LSAMP: variants seen among roughly 807,000 people sequenced by gnomAD.
LSAMP encodes limbic system-associated membrane protein.
LSAMP carries 7 observed loss-of-function variants against 38.6 expected under a neutral mutation model. The observed-to-expected ratio is 0.18, with a 90% CI of 0.10 to 0.34. LSAMP has a LOEUF of 0.34. Ranked by LOEUF, LSAMP falls within the 10% of genes least tolerant of loss-of-function variation. The probability of loss-of-function intolerance (pLI) is 1.00; values close to 1 mark genes in which losing one functional copy is unlikely to be tolerated. For missense variants in LSAMP, 313 were observed against 420.0 expected (o/e 0.75, Z 2.23); for synonymous variants, 154 against 166.8 (o/e 0.92, Z 0.59).
In LSAMP at chr3:116,383,595, A is replaced by G. The variant is rs73149200; in HGVS notation, c.155+61282T>C. On this transcript the variant is annotated intron_variant, in intron 1 of 6. Coordinates refer to ENST00000490035, the MANE Select transcript of LSAMP (RefSeq NM_002338.5). ...CTCGTCATTACTTTTTGCAATAAAA[A>G]TAAATGGAAATAGGATGAAAAGACA... is the stretch of plus-strand genomic sequence containing the variant. 5.2e-3 allele frequency among the ~76,000 whole-genome samples: 792 copies of G among 152,270 alleles called. 8 individuals are homozygous for G. The highest frequency in any genetic ancestry group is 9.5e-3 in the Non-Finnish European group (643 of 68,012).
rs2048528707 is a variant in LSAMP at position 116,379,220 on chromosome 3, T to A, written c.155+65657A>T. On this transcript the variant is annotated intron_variant, in intron 1 of 6. Transcript: ENST00000490035. The stretch of plus-strand genomic sequence containing the variant: ...TGTAAATTAAAAAGATGATTATTTT[T>A]AATTAACCTAACAAAGATATAGTCG... Among the ~76,000 whole-genome samples the A allele has an allele frequency of 2.0e-5, 3 of 152,056 alleles. No individual in the cohort carries two copies. The South Asian group carries it at 6.2e-4, about 31-fold the overall frequency.
intron 3 of LSAMP, among the ~76,000 whole-genome samples, chr3:115,982,347 T>C (rs1017244256): frequency 2.6e-5 from 4 of 152,220 alleles, no homozygotes; most frequent in African/African-American, 9.6e-5. Flanking sequence ...CCAAGTTCTC[T>C]ACCTAGTTTA....
At chr3:116,300,153 G>A (rs932478651) in intron 1 of LSAMP, among the ~76,000 whole-genome samples, 3 of 152,102 alleles carry the variant, frequency 2.0e-5, no homozygotes, top group Non-Finnish European at 4.4e-5. Flanking sequence ...GAGGGAACAC[G>A]GTCCCATTTT....
Position 115,894,436 on chromosome 3 carries a change from TAAAACA to T in LSAMP, c.515-41825_515-41820del, listed in dbSNP as rs551963385. ...TCTGGATGAAGGAATACTCTTCTAT[TAAAACA>T]CCATGTGAGTGAGATGGGAGAATGA... On this transcript the variant is annotated intron_variant, in intron 3 of 6. Transcript: ENST00000490035. Among the ~76,000 whole-genome samples, 35 of 152,180 alleles carry T rather than the reference TAAAACA, an allele frequency of 2.3e-4. No homozygotes were observed. In the East Asian group the frequency reaches 2.5e-3, roughly 11 times the overall value.
At chr3:116,153,504 A>G (rs1709669707) in intron 1 of LSAMP, among the ~76,000 whole-genome samples, 1 of 152,132 alleles carries the variant, frequency 6.6e-6, no homozygotes, top group Non-Finnish European at 1.5e-5. Context: ...AGAACTCAAC[A>G]AGGATAAAAA....
intron 1 of LSAMP, among the ~76,000 whole-genome samples, chr3:116,214,008 T>A (rs930511920): frequency 2.0e-5 from 3 of 152,204 alleles, no homozygotes; most frequent in Non-Finnish European, 4.4e-5. Flanking sequence ...TAGTGAAGGA[T>A]AATGTATTGT....
At chr3:115,898,245 C>G (rs1055084821) in intron 3 of LSAMP, among the ~76,000 whole-genome samples, 2 of 152,068 alleles carry the variant, frequency 1.3e-5, no homozygotes, top group African/African-American at 4.8e-5. Flanking sequence ...AAAAAATTAA[C>G]AGATATTTTT....
chr3:116,304,731 T>C (rs185268222), intron 1 of LSAMP, among the ~76,000 whole-genome samples: 1 of 152,276 alleles, frequency 6.6e-6, no homozygotes, highest in East Asian at 1.9e-4. Flanking sequence ...ACTATCATAA[T>C]AGCCCCAGTG....
At chr3:116,181,672 C>T (rs535568766) in intron 1 of LSAMP, among the ~76,000 whole-genome samples, 2 of 151,978 alleles carry the variant, frequency 1.3e-5, no homozygotes, top group Non-Finnish European at 2.9e-5. Context: ...TCACAAAGCA[C>T]TTTCAGACAA....
intron 1 of LSAMP, among the ~76,000 whole-genome samples, chr3:116,162,165 T>C (rs1257225901): frequency 6.6e-6 from 1 of 152,200 alleles, no homozygotes; most frequent in Non-Finnish European, 1.5e-5. Flanking sequence ...TATAATAAAT[T>C]ACTGCTCTCC....
chr3:116,416,211 G>A (rs758044234), intron 1 of LSAMP, among the ~76,000 whole-genome samples: 2 of 152,166 alleles, frequency 1.3e-5, no homozygotes, highest in Non-Finnish European at 2.9e-5. Context: ...CTGTGTGCCA[G>A]CTAAGCCATA....
At chr3:116,368,664 T>A (rs1244462998) in intron 1 of LSAMP, among the ~76,000 whole-genome samples, 2 of 152,116 alleles carry the variant, frequency 1.3e-5, no homozygotes, top group Non-Finnish European at 2.9e-5. Flanking sequence ...AACCCCCAAA[T>A]TCAAAGGAAA....
chr3:115,899,073 G>A (rs1299258807), intron 3 of LSAMP, among the ~76,000 whole-genome samples: 2 of 151,926 alleles, frequency 1.3e-5, no homozygotes, highest in Admixed American at 6.6e-5. Context: ...TGAAATCATG[G>A]AAAAGGATAA....
intron 6 of LSAMP, among the ~76,000 whole-genome samples, chr3:115,821,356 C>T (rs192451942): frequency 1.3e-5 from 2 of 152,170 alleles, no homozygotes; most frequent in East Asian, 1.9e-4. Flanking sequence ...AAAGAATTGA[C>T]GTTTAGTGCT....
At chr3:116,429,404 T>C (rs1394375116) in intron 1 of LSAMP, among the ~76,000 whole-genome samples, 2 of 152,210 alleles carry the variant, frequency 1.3e-5, no homozygotes, top group Non-Finnish European at 2.9e-5. Flanking sequence ...CTGCCATTTG[T>C]TGGTTGACCT....
At chr3:116,160,586 G>A (rs564541127) in intron 1 of LSAMP, among the ~76,000 whole-genome samples, 3 of 152,222 alleles carry the variant, frequency 2.0e-5, no homozygotes, top group East Asian at 1.9e-4. Context: ...CCTGGGTGAT[G>A]AAATAATCAG....
At chr3:116,189,809 T>C (rs1454441624) in intron 1 of LSAMP, among the ~76,000 whole-genome samples, 1 of 152,074 alleles carries the variant, frequency 6.6e-6, no homozygotes, top group African/African-American at 2.4e-5. Flanking sequence ...AAAAGAGACA[T>C]TGGCCTGTAC....
chr3:116,342,563 CT>C, intron 1 of LSAMP, among the ~76,000 whole-genome samples: 1 of 152,144 alleles, frequency 6.6e-6, no homozygotes, highest in South Asian at 2.1e-4. Flanking sequence ...TGGATCATCC[CT>C]GTGACCTTCA....
intron 1 of LSAMP, among the ~76,000 whole-genome samples, chr3:116,203,808 C>T (rs2046025744): frequency 6.6e-6 from 1 of 152,072 alleles, no homozygotes; most frequent in Non-Finnish European, 1.5e-5. Context: ...TATTGTTGGA[C>T]ATTTGCGTTG....
Sources: allele counts gnomAD v4.1 joint callset (sites outside exome capture counted in the v4.1 genomes callset), GRCh38; gene constraint gnomAD v4.1.1; transcripts MANE v1.5; gene names NCBI Gene and HGNC (gene_info 2026-07-23, HGNC 2026-07-21).